The following PES1 variants were observed in gnomAD, a reference collection of about 807,000 sequenced individuals.
PES1 encodes pescadillo homolog.
Under a neutral mutation model 77.1 loss-of-function variants are expected in PES1, and 31 were observed. The ratio of observed to expected loss-of-function variants is 0.40; its 90% CI spans 0.30 to 0.54. PES1 has a LOEUF of 0.54. Among genes scored for constraint, PES1 ranks in the 20% least tolerant of loss-of-function variants. PES1 has a pLI of 0.45. For synonymous variants in PES1, 282 were observed against 303.0 expected, an observed-to-expected ratio of 0.93 and a Z score of 0.72; for missense variants, 658 against 771.7, an observed-to-expected ratio of 0.85 and a Z score of 1.75.
At chr22:30,580,486 CA>C (rs1220957418) in intron 10 of PES1, 84 bp downstream of exon 10, 1 of 1,531,014 alleles carries the variant, frequency 6.5e-7, no homozygotes, top group East Asian at 2.3e-5. Flanking sequence ...GACACCATCC[CA>C]ATGTTACCGA....
At chr22:30,605,241 T>A (rs2087420687) in intron 2 of PES1, among the ~76,000 whole-genome samples, 1 of 152,156 alleles carries the variant, frequency 6.6e-6, no homozygotes, top group Admixed American at 6.5e-5. Context: ...GCTCAAGCAA[T>A]CCTCCTGCCT....
At chr22:30,592,617 T>C (rs2087200283), upstream of PES1, among the ~76,000 whole-genome samples, 1 of 152,092 alleles carries the variant, frequency 6.6e-6, no homozygotes, top group Non-Finnish European at 1.5e-5. Context: ...ACCAATATAG[T>C]GAAACCCCGT....
intron 2 of PES1, among the ~76,000 whole-genome samples, chr22:30,597,294 G>A (rs1467591602): frequency 6.6e-6 from 1 of 151,998 alleles, no homozygotes. Flanking sequence ...TGTCCTGCCA[G>A]TATGAGCTCC....
chr22:30,592,176 C>T, upstream of PES1: 2 of 1,094,090 alleles, frequency 1.8e-6, no homozygotes, highest in Non-Finnish European at 2.2e-6. Context: ...CATGTTGGGA[C>T]GGAGAGGGGC....
At chr22:30,579,364 C>G in intron 12 of PES1, 61 bp from the exon 13 acceptor site, 1 of 1,597,214 alleles carries the variant, frequency 6.3e-7, no homozygotes, top group Non-Finnish European at 8.5e-7. Context: ...GGCAGGGTGA[C>G]AACAGGCCCA....
intron 2 of PES1, chr22:30,605,346 C>T (rs2087422377): frequency 1.4e-5 from 6 of 417,042 alleles, no homozygotes; most frequent in African/African-American, 1.1e-4. Context: ...CTCCCCCACC[C>T]TCTAGCACTG....
chr22:30,606,851 G>C (rs1035822031), exon 1 of PES1: 1 of 1,021,454 alleles, frequency 9.8e-7, no homozygotes, highest in African/African-American at 1.7e-5. Flanking sequence ...CCTTGTCCTG[G>C]GCTAGGTGGG....
chr22:30,585,195 C>T (rs940171035), intron 4 of PES1: 1 of 458,646 alleles, frequency 2.2e-6, no homozygotes, highest in African/African-American at 2.0e-5. Context: ...CCACCGGTCG[C>T]CAGCGTAGGT....
chr22:30,584,388 T>C lies in PES1; in HGVS notation c.607A>G (p.Thr203Ala), dbSNP rs368884608. Residue 203 changes from threonine to alanine, a missense_variant, in exon 6 of 15, where the codon ACT becomes GCT. Physicochemically the swap from Thr to Ala is moderately conservative, Grantham distance 58 (BLOSUM62 0). Coordinates refer to ENST00000354694, the MANE Select transcript of PES1 (RefSeq NM_014303.4). ...ACGTCATGGGAGAAGGCATAGGGAG[T>C]GATCCACACGATGGGCTGCCCCAGT... ...EVLGQPIVWI[T>A]PYAFSHDHPT... 3 of 1,610,914 alleles carry C rather than the reference T, an allele frequency of 1.9e-6. No homozygotes were observed. Among genetic ancestry groups the C allele is most frequent in the Non-Finnish European group, 2.5e-6 (3 of 1,178,598 alleles).
intron 6 of PES1, among the ~76,000 whole-genome samples, chr22:30,582,274 C>T (rs746951946): frequency 6.6e-6 from 1 of 152,222 alleles, no homozygotes. Context: ...TTGGGATGGA[C>T]ACTCAGAATT....
intron 2 of PES1, among the ~76,000 whole-genome samples, chr22:30,600,691 C>A (rs1602030722): frequency 6.6e-6 from 1 of 152,146 alleles, no homozygotes; most frequent in Non-Finnish European, 1.5e-5. Flanking sequence ...TGGCGGGCGC[C>A]TGTAGTCCCA....
At chr22:30,585,690 A>C (rs1177269562) in intron 4 of PES1, among the ~76,000 whole-genome samples, 1 of 111,978 alleles carries the variant, frequency 8.9e-6, no homozygotes, top group African/African-American at 3.4e-5. Flanking sequence ...CTTTTGAAGA[A>C]TGGGTTCTGG....
At chr22:30,589,572 T>C (rs149738616) in intron 1 of PES1, among the ~76,000 whole-genome samples, 355 of 152,326 alleles carry the variant, frequency 2.3e-3, no homozygotes, top group African/African-American at 8.3e-3. Flanking sequence ...TTACAATTAG[T>C]GATTTTCACA....
At chr22:30,586,963 C>T (rs1369475965) in intron 4 of PES1, 2 of 311,278 alleles carry the variant, frequency 6.4e-6, no homozygotes, top group Non-Finnish European at 1.2e-5. Flanking sequence ...TCCCACGTCT[C>T]ACCAGGTACC....
Position 30,584,397 on chromosome 22 carries a change from C to G in PES1, c.598G>C (p.Val200Leu), listed in dbSNP as rs895413263. ...YQAEVLGQPI[V>L]WITPYAFSHD... ...GAGAAGGCATAGGGAGTGATCCACA[C>G]GATGGGCTGCCCCAGTACCTCGGCC... Residue 200 changes from valine (V) to leucine (L), a missense_variant, in exon 6 of 15, where the codon GTG becomes CTG. Val to Leu is a conservative substitution (Grantham distance 32, BLOSUM62 1). Transcript: ENST00000354694. 7 of 1,612,228 alleles carry G rather than the reference C, an allele frequency of 4.3e-6. No individual in the cohort carries two copies. Among genetic ancestry groups the G allele is most frequent in the Middle Eastern group, 1.6e-4 (1 of 6,062 alleles).
rs2086941756 is a variant in PES1 at position 30,579,014 on chromosome 22, G to A, written c.1522-16C>T. 1.2e-6 allele frequency: 2 copies of A among 1,607,220 alleles called. No homozygotes were observed. The highest frequency in any genetic ancestry group is 1.3e-5 in the African/African-American group (1 of 74,878). ...CCCTGGGCTTCTGGGGACACAAGGA[G>A]GGTGCTTATGGGGGCAGGTTCTCCC... On this transcript the variant is annotated splice_polypyrimidine_tract_variant and intron_variant, in intron 13 of 14. Transcript: ENST00000354694.
At chr22:30,586,128 C>T (rs551994785) in intron 4 of PES1, among the ~76,000 whole-genome samples, 2 of 152,366 alleles carry the variant, frequency 1.3e-5, no homozygotes, top group Admixed American at 1.3e-4. Context: ...GAGATCACCA[C>T]AACCACATCA....
Position 30,580,100 on chromosome 22 carries a change from G to A in PES1, c.1122C>T (p.Thr374=). ...ATYDVTDSRI[T]HQIVDRPGQQ... ...GCCCAGGCCGGTCGACAATCTGATGGGTGATGCGGGAGTCTGTGACGTCAT... is the reference window on the plus strand; with the variant it reads ...GCCCAGGCCGGTCGACAATCTGATGAGTGATGCGGGAGTCTGTGACGTCAT... Residue 374 remains threonine (T), a synonymous_variant, in exon 11 of 15, where the codon ACC becomes ACT. Transcript: ENST00000354694. 1.9e-6 allele frequency: 3 copies of A among 1,614,130 alleles called. No individual in the cohort carries two copies. Among genetic ancestry groups the A allele is most frequent in the South Asian group, 1.1e-5 (1 of 91,080 alleles).
At chr22:30,592,082 C>T (rs1357754943), upstream of PES1, 5 of 1,336,434 alleles carry the variant, frequency 3.7e-6, no homozygotes, top group Non-Finnish European at 4.8e-6. Flanking sequence ...TGGTTACAAA[C>T]ACTTTAAGTG....
Sources: gnomAD v4.1 joint callset for allele counts (sites outside exome capture counted in the v4.1 genomes callset) on GRCh38, gnomAD v4.1.1 for gene constraint, MANE v1.5 for transcripts, NCBI Gene and HGNC (gene_info 2026-07-23, HGNC 2026-07-21) for gene names.